The following ARID4A variants were observed in gnomAD, a reference collection of about 807,000 sequenced individuals.
The protein encoded by ARID4A is AT-rich interactive domain-containing protein 4A.
Under a neutral mutation model 148.6 loss-of-function variants are expected in ARID4A, and 39 were observed. The observed-to-expected ratio is 0.26, with a 90% CI of 0.20 to 0.34. The LOEUF (loss-of-function observed/expected upper bound fraction) is 0.34. Ranked by LOEUF, ARID4A falls within the 10% of genes least tolerant of loss-of-function variation. The pLI is 1.00. For synonymous variants in ARID4A, 475 were observed against 481.2 expected, an observed-to-expected ratio of 0.99 and a Z score of 0.17; for missense variants, 1,265 against 1,449.1, an observed-to-expected ratio of 0.87 and a Z score of 2.06.
intron 11 of ARID4A, among the ~76,000 whole-genome samples, chr14:58,341,750 C>A (rs2034128482): frequency 6.6e-6 from 1 of 151,888 alleles, no homozygotes; most frequent in African/African-American, 2.4e-5. Context: ...ACTTATAATA[C>A]TAAGCAGTAT....
At chr14:58,345,756 AG>A (rs1433082587) in intron 12 of ARID4A, among the ~76,000 whole-genome samples, 112 of 98,074 alleles carry the variant, frequency 1.1e-3, no homozygotes, top group African/African-American at 4.0e-3. Flanking sequence ...TTTGTGACAG[AG>A]TCTTACTCTG....
chr14:58,351,079 A>G lies in ARID4A; in HGVS notation c.1411A>G (p.Arg471Gly). 6.3e-7 allele frequency: 1 copy of G among 1,593,306 alleles called. No individual in the cohort carries two copies. The highest frequency in any genetic ancestry group is 1.4e-5 in the African/African-American group (1 of 73,402). Residue 471 changes from arginine to glycine, a missense_variant, in exon 16 of 24, where the codon AGG becomes GGG. Physicochemically the swap from Arg to Gly is moderately radical, Grantham distance 125 (BLOSUM62 -2). Around this residue, in one of 9 missense-constraint regions of ARID4A, gnomAD observed 205 missense variants for 196.9 expected, o/e 1.04. Transcript: ENST00000355431. ...CTTTTATCCCCTCTACTAGGGACGA[A>G]GGAGAATTGCTCGAGATGTAAATTC... is the stretch of plus-strand genomic sequence containing the variant. ...EIELKSPRGR[R>G]RIARDVNSIK...
At chr14:58,303,743 T>C in intron 3 of ARID4A, 1 of 261,436 alleles carries the variant, frequency 3.8e-6, no homozygotes, top group Non-Finnish European at 8.3e-6. Context: ...CCAGATCTAC[T>C]TCATCAGAAA....
intron 19 of ARID4A, among the ~76,000 whole-genome samples, chr14:58,361,831 A>G (rs2035146327): frequency 6.6e-6 from 1 of 152,022 alleles, no homozygotes; most frequent in Admixed American, 6.5e-5. Context: ...TTGGTGCCCA[A>G]AAAGTTGTGG....
chr14:58,305,934 AT>A, intron 4 of ARID4A, 87 bp from the exon 5 acceptor site: 1 of 898,916 alleles, frequency 1.1e-6, no homozygotes, highest in South Asian at 1.4e-5. Flanking sequence ...TATGGTGTTT[AT>A]TTTTCTTAGC....
intron 3 of ARID4A, among the ~76,000 whole-genome samples, chr14:58,302,543 A>G (rs2031263552): frequency 6.6e-6 from 1 of 152,130 alleles, no homozygotes; most frequent in South Asian, 2.1e-4. Context: ...CTGTAGTCCC[A>G]GCTACTCGGG....
intron 16 of ARID4A, among the ~76,000 whole-genome samples, chr14:58,353,017 T>A (rs1295879717): frequency 6.6e-6 from 1 of 152,112 alleles, no homozygotes. Context: ...CTCAAATTTC[T>A]TTTCTTTGTT....
chr14:58,340,116 C>T (rs1472151472), intron 11 of ARID4A, among the ~76,000 whole-genome samples: 1 of 152,136 alleles, frequency 6.6e-6, no homozygotes, highest in Non-Finnish European at 1.5e-5. Context: ...GAATTTTTGC[C>T]ATTTCCAAAT....
At chr14:58,303,473 G>A (rs934588161) in intron 3 of ARID4A, 2 of 457,456 alleles carry the variant, frequency 4.4e-6, no homozygotes, top group African/African-American at 4.0e-5. Context: ...TATTGTCATT[G>A]GTATTGGATC....
At position 58,365,125 on chromosome 14, in the gene ARID4A, T is replaced by G; in HGVS notation, c.3036T>G (p.Ser1012Arg). The G allele has an allele frequency of 6.2e-7, 1 of 1,614,110 alleles. No homozygotes were observed. Among genetic ancestry groups the G allele is most frequent in the Non-Finnish European group, 8.5e-7 (1 of 1,180,004 alleles). Residue 1012 changes from serine (S) to arginine (R), a missense_variant, in exon 20 of 24, where the codon AGT (serine) becomes AGG (arginine). Transcript: ENST00000355431. ...CAGTAGCTTCACCACTTACTCTTAG[T>G]CAAGATGAGTCTCGAAGCGTAAAAA... ...NFSVASPLTL[S>R]QDESRSVKSE...
intron 19 of ARID4A, among the ~76,000 whole-genome samples, chr14:58,361,378 A>C (rs2035124490): frequency 1.3e-5 from 2 of 152,152 alleles, no homozygotes; most frequent in Admixed American, 1.3e-4. Context: ...AGTTTTGTTC[A>C]TGAAATAAAG....
rs577209211 is a variant in ARID4A at position 58,338,583 on chromosome 14, G to C, written c.907-6112G>C. ...GAGGTGGTAGGGATGAAGGAGAGGGGATGGAGGGGTTGTAAGAGCTGAGGA... is the reference window on the plus strand; with the variant it reads ...GAGGTGGTAGGGATGAAGGAGAGGGCATGGAGGGGTTGTAAGAGCTGAGGA... On this transcript the variant is annotated intron_variant, in intron 11 of 23. Transcript: ENST00000355431. Among the ~76,000 whole-genome samples, 111 of 152,208 alleles carry C rather than the reference G, an allele frequency of 7.3e-4. No individual in the cohort carries two copies. The South Asian group carries it at 0.023, about 32-fold the overall frequency.
intron 11 of ARID4A, among the ~76,000 whole-genome samples, chr14:58,338,929 A>G (rs546261319): frequency 8.7e-5 from 9 of 103,122 alleles, no homozygotes; most frequent in African/African-American, 3.4e-4. Flanking sequence ...CCCCCAATAC[A>G]CACAAAAGGT....
intron 11 of ARID4A, among the ~76,000 whole-genome samples, chr14:58,344,438 A>C (rs564914744): frequency 9.8e-5 from 15 of 152,310 alleles, no homozygotes; most frequent in African/African-American, 3.6e-4. Context: ...TTATTCCTGA[A>C]TGTTTTCCTC....
At position 58,365,200 on chromosome 14, in the gene ARID4A, A is replaced by G. The variant is rs754885389; in HGVS notation, c.3111A>G (p.Gln1037=). 25 of 1,613,988 alleles carry G rather than the reference A, an allele frequency of 1.5e-5. No individual in the cohort carries two copies. The highest frequency in any genetic ancestry group is 1.9e-5 in the Non-Finnish European group (22 of 1,179,984). Reference sequence around the variant, plus strand: ...TTGATAGTATTGCTGAAGAATCTCAAGAAGGTCTCTGTGAGAGGGAATCGG... The same window carrying G: ...TTGATAGTATTGCTGAAGAATCTCAGGAAGGTCTCTGTGAGAGGGAATCGG... The part of the protein sequence containing the change: ...IEVDSIAEES[Q]EGLCERESAN... The change falls in exon 20 of 24, where the codon CAA becomes CAG. Residue 1037 remains glutamine (Q), a synonymous_variant. Coordinates refer to ENST00000355431, the MANE Select transcript of ARID4A (RefSeq NM_002892.4).
chr14:58,329,645 C>G lies in ARID4A; in HGVS notation c.739+41C>G, dbSNP rs755791812. The G allele has an allele frequency of 2.5e-5, 37 of 1,486,460 alleles. 1 individual carries two copies. In the South Asian group the frequency reaches 3.3e-4, roughly 13 times the overall value. The allele number at this position is 1,486,460 out of a possible 1,614,324, so 92.1% of individuals were successfully genotyped here. ...ATTACCCTATTATTTTATGTTGTGGCTCTATTTGGAAAATAGCAAATAAAG... is the reference window on the plus strand; with the variant it reads ...ATTACCCTATTATTTTATGTTGTGGGTCTATTTGGAAAATAGCAAATAAAG... On this transcript the variant is annotated intron_variant, in intron 10 of 23. Transcript: ENST00000355431.
At chr14:58,334,781 CTCTCTCT>C (rs2033718897) in intron 11 of ARID4A, among the ~76,000 whole-genome samples, 1 of 151,962 alleles carries the variant, frequency 6.6e-6, no homozygotes. Flanking sequence ...AGACTATCGA[CTCTCTCT>C]TTTCTTGCAT....
intron 11 of ARID4A, among the ~76,000 whole-genome samples, chr14:58,341,123 C>T (rs1001777626): frequency 1.3e-5 from 2 of 152,116 alleles, no homozygotes; most frequent in Non-Finnish European, 2.9e-5. Context: ...GGTGATCTTT[C>T]CATCCCAGCT....
At chr14:58,359,768 A>G (rs905156863) in intron 18 of ARID4A, among the ~76,000 whole-genome samples, 30 of 152,116 alleles carry the variant, frequency 2.0e-4, no homozygotes, top group Non-Finnish European at 7.4e-5. Flanking sequence ...AATAAATCTT[A>G]TTGTAATAAT....
Sources: allele counts gnomAD v4.1 joint callset (sites outside exome capture counted in the v4.1 genomes callset), GRCh38; gene constraint gnomAD v4.1.1; regional missense constraint gnomAD v4.1.1; transcripts MANE v1.5; gene names NCBI Gene and HGNC (gene_info 2026-07-23, HGNC 2026-07-21).